Variants in SENP6 observed in about 807,000 individuals in gnomAD.
SENP6 encodes SUMO specific peptidase 6.
Under a neutral mutation model 134.5 loss-of-function variants are expected in SENP6, and 41 were observed. The ratio of observed to expected loss-of-function variants is 0.30; its 90% CI spans 0.24 to 0.40. The LOEUF is 0.40. Among genes scored for constraint, SENP6 ranks in the 10% least tolerant of loss-of-function variants. SENP6 has a pLI of 1.00. For missense variants in SENP6, 1,248 were observed against 1,312.5 expected (o/e 0.95, Z 0.76); for synonymous variants, 395 against 429.8 (o/e 0.92, Z 1.00).
chr6:75,709,418 G>T, intron 19 of SENP6, 109 bp from the exon 20 acceptor site: 2 of 643,290 alleles, frequency 3.1e-6, no homozygotes, highest in Non-Finnish European at 5.2e-6. Context: ...CAGATTTTGT[G>T]TTCTTGACTA....
intron 1 of SENP6, among the ~76,000 whole-genome samples, chr6:75,618,734 C>CT (rs1768039164): frequency 6.6e-6 from 1 of 152,190 alleles, no homozygotes; most frequent in South Asian, 2.1e-4. Flanking sequence ...ATGTCTGACT[C>CT]TAACCTAGCA....
chr6:75,676,088 A>G (rs763478677), intron 13 of SENP6, 34 bp downstream of exon 13: 4 of 1,399,324 alleles, frequency 2.9e-6, no homozygotes. Flanking sequence ...AATAGATAAT[A>G]ATAGATACTG....
chr6:75,609,933 G>T (rs1322916779), intron 1 of SENP6, among the ~76,000 whole-genome samples: 3 of 151,940 alleles, frequency 2.0e-5, no homozygotes, highest in Non-Finnish European at 4.4e-5. Flanking sequence ...GATTACAGGC[G>T]CATACCACCA....
intron 7 of SENP6, among the ~76,000 whole-genome samples, chr6:75,652,683 C>CAAGAAAAAAA (rs771874241): frequency 1.3e-5 from 1 of 75,864 alleles, no homozygotes; most frequent in African/African-American, 6.3e-5. Flanking sequence ...CTAAAAATCT[C>CAAGAAAAAAA]AAAAAAAAAA....
intron 11 of SENP6, among the ~76,000 whole-genome samples, chr6:75,671,183 T>G (rs895996897): frequency 1.3e-5 from 2 of 152,252 alleles, no homozygotes; most frequent in African/African-American, 4.8e-5. Flanking sequence ...ACCTGTGTAC[T>G]TACTATTCTG....
intron 17 of SENP6, among the ~76,000 whole-genome samples, chr6:75,696,179 C>T (rs1257369007): frequency 6.6e-6 from 1 of 152,164 alleles, no homozygotes; most frequent in African/African-American, 2.4e-5. Context: ...GAGGCAATAT[C>T]ATTTAGTTCT....
At chr6:75,651,141 A>G (rs1770828501) in intron 7 of SENP6, among the ~76,000 whole-genome samples, 1 of 152,150 alleles carries the variant, frequency 6.6e-6, no homozygotes, top group South Asian at 2.1e-4. Flanking sequence ...AACATACAGA[A>G]TAACAACCGT....
At position 75,677,022 on chromosome 6, in the gene SENP6, CT is replaced by C; in HGVS notation, c.1622-4del. On this transcript the variant is annotated splice_polypyrimidine_tract_variant and splice_region_variant and intron_variant, in intron 13 of 23. Transcript: ENST00000447266. ...TTTTTTTTTGGACTTATATTTATTT[CT>C]TTTCAGATTTAGAAGAACAATATAT... 1.5e-6 allele frequency: 2 copies of C among 1,309,000 alleles called. No homozygotes were observed. Among genetic ancestry groups the C allele is most frequent in the Middle Eastern group, 2.3e-4 (1 of 4,374 alleles). The allele number at this position is 1,309,000 out of a possible 1,614,324, so 81.1% of individuals were successfully genotyped here.
At chr6:75,631,476 G>A (rs567429185) in intron 3 of SENP6, among the ~76,000 whole-genome samples, 1 of 152,252 alleles carries the variant, frequency 6.6e-6, no homozygotes, top group South Asian at 2.1e-4. Flanking sequence ...TTATAAACAG[G>A]AGTTGTCACA....
At chr6:75,664,260 T>TAA (rs201451056) in intron 9 of SENP6, among the ~76,000 whole-genome samples, 14 of 140,496 alleles carry the variant, frequency 1.0e-4, no homozygotes, top group African/African-American at 2.9e-4. Flanking sequence ...ACCCTGTTGC[T>TAA]AAAAAAAAAA....
rs1210800221 is a variant in SENP6, at chr6:75,601,956, A to G, written c.-569A>G. On this transcript the variant is annotated 5_prime_UTR_variant, in exon 1 of 24. Coordinates refer to ENST00000447266, the MANE Select transcript of SENP6 (RefSeq NM_015571.4). ...GAGACCCACCCCTGTCCACATGGACAGTCGCAAAGGCCTCCGCTGATGCAT... is the reference window on the plus strand; with the variant it reads ...GAGACCCACCCCTGTCCACATGGACGGTCGCAAAGGCCTCCGCTGATGCAT... 6.6e-6 allele frequency: 1 copy of G among 152,246 alleles called. No homozygotes were observed. 9.4% of individuals were successfully genotyped at this position (152,246 alleles called of 1,614,324 possible).
intron 1 of SENP6, among the ~76,000 whole-genome samples, chr6:75,609,687 GACAAA>G (rs1767297545): frequency 1.3e-5 from 2 of 152,180 alleles, no homozygotes; most frequent in South Asian, 2.1e-4. Flanking sequence ...GCTAAAGAAA[GACAAA>G]ACAAAATGGG....
intron 11 of SENP6, 77 bp from the exon 12 acceptor site, chr6:75,675,358 C>A (rs1773007007): frequency 2.5e-6 from 2 of 808,832 alleles, no homozygotes; most frequent in Non-Finnish European, 4.0e-6. Context: ...AAGAAACATT[C>A]TAAGTATTTG....
chr6:75,673,624 C>T (rs1335527979), intron 11 of SENP6, among the ~76,000 whole-genome samples: 1 of 151,834 alleles, frequency 6.6e-6, no homozygotes, highest in Non-Finnish European at 1.5e-5. Flanking sequence ...GTGCCCAGCC[C>T]AGTGTCTACT....
chr6:75,605,897 G>A (rs1405502498), intron 1 of SENP6, among the ~76,000 whole-genome samples: 2 of 152,116 alleles, frequency 1.3e-5, no homozygotes, highest in Non-Finnish European at 2.9e-5. Flanking sequence ...AGAAGTGGTC[G>A]GGGCTTCAAT....
chr6:75,686,624 TGTAAA>T (rs1773861036), intron 16 of SENP6, among the ~76,000 whole-genome samples: 1 of 152,252 alleles, frequency 6.6e-6, no homozygotes, highest in African/African-American at 2.4e-5. Flanking sequence ...TTGCTTTGTC[TGTAAA>T]GTATTTTATT....
rs1175291339 is a variant in SENP6, at chr6:75,602,542, C to T, written c.18C>T (p.Ser6=). 8 of 1,551,350 alleles carry T rather than the reference C, an allele frequency of 5.2e-6. No homozygotes were observed. The highest frequency in any genetic ancestry group is 1.2e-5 in the South Asian group (1 of 84,052). MAAGK[S]GGSAGEITFL... ...GGAGGAAGATGGCGGCCGGCAAGAG[C>T]GGCGGTAGCGCAGGGGAGATTACTT... is the stretch of plus-strand genomic sequence containing the variant. Residue 6 remains serine, a synonymous_variant, in exon 1 of 24, where the codon AGC becomes AGT. Transcript: ENST00000447266.
At chr6:75,629,519 C>A (rs1308956892) in intron 3 of SENP6, among the ~76,000 whole-genome samples, 2 of 151,924 alleles carry the variant, frequency 1.3e-5, no homozygotes, top group Non-Finnish European at 2.9e-5. Context: ...AGGCTGGTCT[C>A]GAACTCCAGA....
At chr6:75,602,629 TG>T in intron 1 of SENP6, 53 bp downstream of exon 1, 1 of 1,531,106 alleles carries the variant, frequency 6.5e-7, no homozygotes, top group African/African-American at 1.4e-5. Context: ...CTGGAAAACG[TG>T]GCCCCCAGAA....
Sources: gnomAD v4.1 joint callset for allele counts (sites outside exome capture counted in the v4.1 genomes callset) on GRCh38, gnomAD v4.1.1 for gene constraint, MANE v1.5 for transcripts, NCBI Gene and HGNC (gene_info 2026-07-23, HGNC 2026-07-21) for gene names.